Variants in PCSK7 observed in about 807,000 individuals in gnomAD.
PCSK7 encodes lymphoma proprotein convertase.
Under a neutral mutation model 73.3 loss-of-function variants are expected in PCSK7, and 38 were observed. That is an observed-to-expected ratio of 0.52 (90% CI 0.40 to 0.68). The LOEUF is 0.68. Among genes scored for constraint, PCSK7 ranks in the 30% least tolerant of loss-of-function variants. The probability of loss-of-function intolerance (pLI) is 0.00; values close to 1 mark genes in which losing one functional copy is unlikely to be tolerated. For synonymous variants in PCSK7, 296 were observed against 383.8 expected, an observed-to-expected ratio of 0.77 and a Z score of 2.68; for missense variants, 692 against 991.5, an observed-to-expected ratio of 0.70 and a Z score of 4.06.
Position 117,206,163 on chromosome 11 carries a change from G to A in PCSK7, c.2192C>T (p.Pro731Leu). ...ESVPLCSSKD[P>L]DEVETESRGP... ...CCTGCTCTCTGTTTCCACTTCGTCT[G>A]GATCCTTGCTGCTGCAAAGTGGCAC... Residue 731 changes from proline (P) to leucine (L), a missense_variant, in exon 17 of 17, where the codon CCA (proline) becomes CTA (leucine). By Grantham distance (98) the Pro-to-Leu change is moderately conservative. Transcript: ENST00000320934. The A allele has an allele frequency of 6.2e-7, 1 of 1,612,932 alleles. No individual in the cohort carries two copies. Among genetic ancestry groups the A allele is most frequent in the Non-Finnish European group, 8.5e-7 (1 of 1,179,166 alleles).
intron 12 of PCSK7, chr11:117,216,254 A>G (rs2031978750): frequency 6.6e-6 from 1 of 152,084 alleles, no homozygotes. Flanking sequence ...GCTACTCTAG[A>G]GTCTTAGAGG....
intron 6 of PCSK7, chr11:117,225,043 A>T: frequency 8.2e-6 from 2 of 245,176 alleles, no homozygotes; most frequent in Admixed American, 5.3e-5. Context: ...TAGGGATCAG[A>T]GACATGTAGA....
At position 117,219,177 on chromosome 11, in the gene PCSK7, A is replaced by T; in HGVS notation, c.1324-13T>A. 2.1e-5 allele frequency: 34 copies of T among 1,584,668 alleles called. No homozygotes were observed. Among genetic ancestry groups the T allele is most frequent in the Non-Finnish European group, 2.8e-5 (33 of 1,159,982 alleles). On this transcript the variant is annotated splice_polypyrimidine_tract_variant and intron_variant, in intron 10 of 16. Transcript: ENST00000320934. Reference sequence around the variant, plus strand: ...GGCGATCCTCATACTGAAAGGACAGAGGTCCTGGTTAGTCTCTTGCATTGC... The same window carrying T: ...GGCGATCCTCATACTGAAAGGACAGTGGTCCTGGTTAGTCTCTTGCATTGC...
In PCSK7 at chr11:117,205,598, A is replaced by G. The variant is rs2031320462; in HGVS notation, c.*399T>C. The G allele has an allele frequency of 2.9e-5, 7 of 242,336 alleles. No individual in the cohort carries two copies. The highest frequency in any genetic ancestry group is 1.6e-5 in the Non-Finnish European group (2 of 124,614). 15.0% of individuals were successfully genotyped at this position (242,336 alleles called of 1,614,324 possible). ...CCTCTACCCCGAAGTCCTCTTCCCA[A>G]GTGACCCCAGTGATGTTTCCATTGA... On this transcript the variant is annotated 3_prime_UTR_variant, in exon 17 of 17. Transcript: ENST00000320934.
intron 12 of PCSK7, chr11:117,213,931 A>T (rs943105223): frequency 1.5e-4 from 22 of 147,358 alleles, no homozygotes; most frequent in African/African-American, 5.5e-4. Context: ...ATTTGCCCAT[A>T]ATCTTTTTCT....
intron 1 of PCSK7, chr11:117,231,170 G>A (rs1197224757): frequency 6.6e-6 from 1 of 152,104 alleles, no homozygotes; most frequent in Non-Finnish European, 1.5e-5. Context: ...TCTCCACTGG[G>A]TCCACCCTGG....
In PCSK7 at chr11:117,227,199, T is replaced by C; in HGVS notation, c.727A>G (p.Ser243Gly). 6.2e-7 allele frequency: 1 copy of C among 1,611,208 alleles called. No individual in the cohort carries two copies. The highest frequency in any genetic ancestry group is 8.5e-7 in the Non-Finnish European group (1 of 1,178,784). Reference sequence around the variant, plus strand: ...TAGGCCACGCCCACGGCACAGAAGCTGTTGTTGGGCACAGCCGCGATCTCT... The same window carrying C: ...TAGGCCACGCCCACGGCACAGAAGCCGTTGTTGGGCACAGCCGCGATCTCT... ...AGEIAAVPNN[S>G]FCAVGVAYGS... Residue 243 changes from serine to glycine, a missense_variant, in exon 5 of 17, where the codon AGC becomes GGC. Ser to Gly is a moderately conservative substitution (Grantham distance 56). Transcript: ENST00000320934.
At chr11:117,219,993 T>C (rs911584236) in intron 9 of PCSK7, 1 of 367,474 alleles carries the variant, frequency 2.7e-6, no homozygotes, top group Non-Finnish European at 4.8e-6. Flanking sequence ...TCAAAGTTGT[T>C]ATGGGGGAAA....
At chr11:117,226,181 G>A in intron 5 of PCSK7, 160 bp from the exon 6 acceptor site, 1 of 608,780 alleles carries the variant, frequency 1.6e-6, no homozygotes, top group African/African-American at 1.9e-5. Context: ...TTGTCACCCA[G>A]ACTGGAGTGC....
intron 12 of PCSK7, chr11:117,216,459 G>A (rs1031742188): frequency 9.1e-6 from 1 of 109,854 alleles, no homozygotes; most frequent in Admixed American, 1.0e-4. Flanking sequence ...TTTTTTTTGA[G>A]ATGGAGTTTC....
At chr11:117,225,048 T>C (rs2032361076) in intron 6 of PCSK7, 1 of 260,266 alleles carries the variant, frequency 3.8e-6, no homozygotes, top group African/African-American at 2.3e-5. Flanking sequence ...ATCAGAGACA[T>C]GTAGACCTTT....
intron 13 of PCSK7, 26 bp downstream of exon 13, chr11:117,208,871 C>T: frequency 6.3e-7 from 1 of 1,599,178 alleles, no homozygotes. Flanking sequence ...GAAAAGGTTG[C>T]TCAGGCCTCG....
chr11:117,217,132 CTTCT>C (rs900879941), intron 12 of PCSK7: 1 of 152,208 alleles, frequency 6.6e-6, no homozygotes, highest in Non-Finnish European at 1.5e-5. Context: ...GCAATCTGTC[CTTCT>C]TTCTCTTACT....
chr11:117,205,264 A>G lies in PCSK7; in HGVS notation c.*733T>C, dbSNP rs2031299775. ...ATAGCTGGCCTCCGGCGGGAAGGCCATTTCCCTGAGCACTTGCAGAGGAAG... is the reference window on the plus strand; with the variant it reads ...ATAGCTGGCCTCCGGCGGGAAGGCCGTTTCCCTGAGCACTTGCAGAGGAAG... On this transcript the variant is annotated 3_prime_UTR_variant, in exon 17 of 17. Coordinates refer to ENST00000320934, the MANE Select transcript of PCSK7 (RefSeq NM_004716.4). The G allele has an allele frequency of 8.6e-6, 2 of 233,690 alleles. No individual in the cohort carries two copies. Among genetic ancestry groups the G allele is most frequent in the African/African-American group, 4.4e-5 (2 of 45,368 alleles). The allele number at this position is 233,690 out of a possible 1,614,324, so 14.5% of individuals were successfully genotyped here. A position where few individuals can be genotyped will look rare whatever the true frequency, so the allele number is the denominator to read the frequency against.
At position 117,227,149 on chromosome 11, in the gene PCSK7, CA is replaced by C. The variant is rs1484270669; in HGVS notation, c.769+7del. 1.4e-5 allele frequency: 23 copies of C among 1,593,218 alleles called. No individual in the cohort carries two copies. Among genetic ancestry groups the C allele is most frequent in the Non-Finnish European group, 1.8e-5 (21 of 1,169,768 alleles). ...GCCTACCAAGGCTAGGCTGGAGGCACAAGTTACCTGCGATGCGGCTCCCGTA... is the reference window on the plus strand; with the variant it reads ...GCCTACCAAGGCTAGGCTGGAGGCACAGTTACCTGCGATGCGGCTCCCGTA... On this transcript the variant is annotated splice_region_variant and intron_variant, in intron 5 of 16. Transcript: ENST00000320934.
chr11:117,223,713 A>C, intron 8 of PCSK7: 1 of 352,058 alleles, frequency 2.8e-6, no homozygotes, highest in Non-Finnish European at 5.3e-6. Flanking sequence ...TCAGGTAAGT[A>C]AATAAACACA....
rs1444290125 is a variant in PCSK7 at position 117,206,332 on chromosome 11, T to C, written c.2023A>G (p.Thr675Ala). 5 of 1,610,606 alleles carry C rather than the reference T, an allele frequency of 3.1e-6. No homozygotes were observed. The Admixed American group carries it at 8.4e-5, about 27-fold the overall frequency. The change falls in exon 17 of 17, where the codon ACC (threonine) becomes GCC (alanine). Residue 675 changes from threonine to alanine, a missense_variant. Thr to Ala is a moderately conservative substitution (Grantham distance 58). Around this residue, in one of 6 missense-constraint regions of PCSK7, gnomAD observed 78 missense variants for 102.6 expected, o/e 0.76. Coordinates refer to ENST00000320934, the MANE Select transcript of PCSK7 (RefSeq NM_004716.4). ...ATGTAGTAAACAGTCCAGAAGACGGTGAAACAGCCTACCAGCACCAGGGTC... is the reference window on the plus strand; with the variant it reads ...ATGTAGTAAACAGTCCAGAAGACGGCGAAACAGCCTACCAGCACCAGGGTC... ...LKTLVLVGCF[T>A]VFWTVYYMLE...
chr11:117,211,121 T>A (rs1157612709), intron 12 of PCSK7: 2 of 152,218 alleles, frequency 1.3e-5, no homozygotes, highest in Admixed American at 6.5e-5. Flanking sequence ...GGGGTGTTTG[T>A]TTGTTTGAGA....
chr11:117,228,448 C>A, intron 3 of PCSK7, 98 bp from the exon 4 acceptor site: 1 of 1,077,344 alleles, frequency 9.3e-7, no homozygotes, highest in East Asian at 2.5e-5. Flanking sequence ...TGGCCTCCAC[C>A]AAAGAGCCAG....
Sources: gnomAD v4.1 joint callset for allele counts on GRCh38, gnomAD v4.1.1 for gene constraint, gnomAD v4.1.1 regional missense constraint, MANE v1.5 for transcripts, NCBI Gene and HGNC (gene_info 2026-07-23, HGNC 2026-07-21) for gene names.